LUZP2: variants seen among roughly 807,000 people sequenced by gnomAD.
LUZP2 encodes leucine zipper protein 2.
Under a neutral mutation model 51.6 loss-of-function variants are expected in LUZP2, and 52 were observed. That is an observed-to-expected ratio of 1.01 (90% CI 0.81 to 1.27). The LOEUF is 1.27. Ranked by LOEUF, LUZP2 falls within the 50% of genes most tolerant of loss-of-function variation. The pLI is 0.00. For synonymous variants in LUZP2, 154 were observed against 137.3 expected (o/e 1.12, Z -0.85); for missense variants, 436 against 395.4 (o/e 1.10, Z -0.87).
At chr11:24,840,126 G>C (rs550902765) in intron 5 of LUZP2, among the ~76,000 whole-genome samples, 2 of 151,760 alleles carry the variant, frequency 1.3e-5, no homozygotes. Context: ...TTATTTTTAA[G>C]CATCAAGGTC....
intron 1 of LUZP2, among the ~76,000 whole-genome samples, chr11:24,592,314 T>C (rs1853288255): frequency 6.6e-6 from 1 of 152,236 alleles, no homozygotes. Context: ...TGAGGAATAT[T>C]TCACATTTGA....
In LUZP2 at chr11:24,958,223, G is replaced by T. The variant is rs1283808955; in HGVS notation, c.523-18368G>T. ...TGCCACAATAAACATATGTGTGCATGTGTCTTTATAGCAGCATGATTTATA... is the reference window on the plus strand; with the variant it reads ...TGCCACAATAAACATATGTGTGCATTTGTCTTTATAGCAGCATGATTTATA... On this transcript the variant is annotated intron_variant, in intron 7 of 11. Coordinates refer to ENST00000336930, the MANE Select transcript of LUZP2 (RefSeq NM_001009909.4). Among the ~76,000 whole-genome samples, 5 of 152,282 alleles carry T rather than the reference G, an allele frequency of 3.3e-5. No homozygotes were observed. In the East Asian group the frequency reaches 7.7e-4, roughly 24 times the overall value.
intron 5 of LUZP2, among the ~76,000 whole-genome samples, chr11:24,853,371 A>G (rs1851453949): frequency 6.6e-6 from 1 of 151,704 alleles, no homozygotes. Context: ...CATTAAGTTG[A>G]TCTTCAATCT....
intron 1 of LUZP2, among the ~76,000 whole-genome samples, chr11:24,560,286 G>T (rs1380551009): frequency 6.6e-6 from 1 of 152,122 alleles, no homozygotes; most frequent in Non-Finnish European, 1.5e-5. Flanking sequence ...CCAGAGAAAT[G>T]ATCCAATAAA....
chr11:24,964,048 A>G (rs1261560560), intron 7 of LUZP2, among the ~76,000 whole-genome samples: 1 of 152,196 alleles, frequency 6.6e-6, no homozygotes, highest in African/African-American at 2.4e-5. Flanking sequence ...TGGGTCACAC[A>G]GGAATTCTAT....
At chr11:24,991,524 T>C (rs923260967) in intron 9 of LUZP2, among the ~76,000 whole-genome samples, 2 of 151,460 alleles carry the variant, frequency 1.3e-5, no homozygotes, top group Non-Finnish European at 2.9e-5. Context: ...TGTTCTTCTA[T>C]AAATATGCGT....
chr11:24,511,062 G>A (rs1020312813), intron 1 of LUZP2, among the ~76,000 whole-genome samples: 22 of 152,268 alleles, frequency 1.4e-4, no homozygotes, highest in Admixed American at 1.4e-3. Context: ...ATAAAATGGA[G>A]CCTGGGACTT....
At chr11:24,541,209 C>A (rs542342790) in intron 1 of LUZP2, among the ~76,000 whole-genome samples, 1 of 140,104 alleles carries the variant, frequency 7.1e-6, no homozygotes. Context: ...GCCAAGATTG[C>A]ACCATTGCAC....
At chr11:24,694,722 C>T (rs987962311) in intron 1 of LUZP2, among the ~76,000 whole-genome samples, 2 of 152,028 alleles carry the variant, frequency 1.3e-5, no homozygotes, top group African/African-American at 2.4e-5. Context: ...ATATATACAC[C>T]ATGGAATACT....
intron 1 of LUZP2, among the ~76,000 whole-genome samples, chr11:24,594,032 A>G (rs2133847830): frequency 6.6e-6 from 1 of 152,330 alleles, no homozygotes; most frequent in Middle Eastern, 3.4e-3. Context: ...TAAGCACTGG[A>G]TAAGTGCTAA....
At chr11:25,044,421 C>T (rs1368128014) in intron 9 of LUZP2, among the ~76,000 whole-genome samples, 1 of 151,682 alleles carries the variant, frequency 6.6e-6, no homozygotes, top group African/African-American at 2.4e-5. Context: ...AATAAGGCTT[C>T]TTTCCACAAG....
Position 24,716,512 on chromosome 11 carries a change from G to T in LUZP2, c.63-12657G>T, listed in dbSNP as rs1446656031. Reference sequence around the variant, plus strand: ...TGAAAAGAGTCAAGAAGGGTTCCAAGAATGAGGAGGACAAGTCACAGGGTA... The same window carrying T: ...TGAAAAGAGTCAAGAAGGGTTCCAATAATGAGGAGGACAAGTCACAGGGTA... On this transcript the variant is annotated intron_variant, in intron 1 of 11. Coordinates refer to ENST00000336930, the MANE Select transcript of LUZP2 (RefSeq NM_001009909.4). Among the ~76,000 whole-genome samples the T allele has an allele frequency of 2.0e-5, 3 of 152,136 alleles. No homozygotes were observed. The East Asian group carries it at 5.8e-4, about 29-fold the overall frequency.
chr11:24,886,259 C>A (rs1037522270), intron 5 of LUZP2, among the ~76,000 whole-genome samples: 5 of 151,990 alleles, frequency 3.3e-5, no homozygotes, highest in Non-Finnish European at 5.9e-5. Flanking sequence ...TTATGTTTTT[C>A]TAATTTTAAA....
At chr11:24,603,171 T>A (rs1853804360) in intron 1 of LUZP2, among the ~76,000 whole-genome samples, 1 of 151,732 alleles carries the variant, frequency 6.6e-6, no homozygotes, top group African/African-American at 2.4e-5. Context: ...AAAAACAAGG[T>A]CCTGAGAATT....
chr11:24,712,348 A>G (rs1384141274), intron 1 of LUZP2, among the ~76,000 whole-genome samples: 1 of 152,082 alleles, frequency 6.6e-6, no homozygotes, highest in East Asian at 1.9e-4. Context: ...TTGAGCCCAG[A>G]AAGTCGAGGC....
intron 5 of LUZP2, among the ~76,000 whole-genome samples, chr11:24,857,775 C>T (rs915684722): frequency 1.3e-5 from 2 of 151,942 alleles, no homozygotes; most frequent in African/African-American, 4.8e-5. Flanking sequence ...CAGCCACCTC[C>T]ACCCCTGATT....
intron 7 of LUZP2, among the ~76,000 whole-genome samples, chr11:24,950,714 T>G (rs967849312): frequency 5.3e-5 from 8 of 151,152 alleles, no homozygotes; most frequent in African/African-American, 1.9e-4. Flanking sequence ...AAAGCACCAG[T>G]TTTTTTTGCT....
At chr11:24,601,922 A>ATATATATGTATATATG (rs1163588179) in intron 1 of LUZP2, among the ~76,000 whole-genome samples, 2 of 66,030 alleles carry the variant, frequency 3.0e-5, no homozygotes, top group African/African-American at 7.8e-5. Context: ...GTATATATGT[A>ATATATATGTATATATG]TATATATGTA....
At chr11:25,066,186 C>T (rs1251707277) in intron 10 of LUZP2, among the ~76,000 whole-genome samples, 2 of 151,134 alleles carry the variant, frequency 1.3e-5, no homozygotes, top group Non-Finnish European at 1.5e-5. Context: ...GAAAAAATCT[C>T]CCAACTCTTC....
Sources: gnomAD v4.1 joint callset for allele counts (sites outside exome capture counted in the v4.1 genomes callset) on GRCh38, gnomAD v4.1.1 for gene constraint, MANE v1.5 for transcripts, NCBI Gene and HGNC (gene_info 2026-07-23, HGNC 2026-07-21) for gene names.